The following PSD3 variants were observed in gnomAD, a reference collection of about 807,000 sequenced individuals.
The protein encoded by PSD3 is PH and SEC7 domain-containing protein 3.
A neutral mutation model predicts 105.5 loss-of-function variants in PSD3; 49 were observed. The observed-to-expected ratio is 0.46, with a 90% CI of 0.37 to 0.59. The LOEUF (loss-of-function observed/expected upper bound fraction) is 0.59, where lower values mean the gene tolerates loss of function less well. Ranked by LOEUF, PSD3 falls within the 20% of genes least tolerant of loss-of-function variation. PSD3 has a pLI of 0.00. For synonymous variants in PSD3, 557 were observed against 457.8 expected (o/e 1.22, Z -2.77); for missense variants, 1,561 against 1,263.8 (o/e 1.24, Z -3.57).
chr8:18,955,892 C>T (rs1823542406), intron 1 of PSD3, among the ~76,000 whole-genome samples: 1 of 152,118 alleles, frequency 6.6e-6, no homozygotes, highest in South Asian at 2.1e-4. Flanking sequence ...CCTCAGCATC[C>T]CAAGTTGCTA....
At chr8:18,757,785 T>C (rs1012905041) in intron 9 of PSD3, among the ~76,000 whole-genome samples, 1 of 152,228 alleles carries the variant, frequency 6.6e-6, no homozygotes, top group Non-Finnish European at 1.5e-5. Context: ...TTTCCAGTTT[T>C]CAATTCTTCA....
In PSD3 at chr8:18,744,626, G is replaced by C. The variant is rs376211927; in HGVS notation, c.2172+20823C>G. On this transcript the variant is annotated intron_variant, in intron 9 of 15. Coordinates refer to ENST00000327040, the MANE Select transcript of PSD3 (RefSeq NM_015310.4). ...TGAAATAATTTTAGACTTACAAAAAGGTTGTACAAATGGTACAGAGTTCCT... is the reference window on the plus strand; with the variant it reads ...TGAAATAATTTTAGACTTACAAAAACGTTGTACAAATGGTACAGAGTTCCT... Among the ~76,000 whole-genome samples the C allele has an allele frequency of 7.9e-5, 12 of 152,244 alleles. No individual in the cohort carries two copies. In the East Asian group the frequency reaches 2.1e-3, roughly 27 times the overall value.
At chr8:18,911,180 A>C (rs544884224) in intron 2 of PSD3, among the ~76,000 whole-genome samples, 1 of 152,234 alleles carries the variant, frequency 6.6e-6, no homozygotes, top group Non-Finnish European at 1.5e-5. Flanking sequence ...GCACAGTTTC[A>C]TAGCATTATC....
intron 11 of PSD3, among the ~76,000 whole-genome samples, chr8:18,605,123 T>A (rs1331927122): frequency 6.6e-6 from 1 of 152,136 alleles, no homozygotes. Context: ...GACCTCAGAA[T>A]GGTAGAGCCA....
At chr8:18,888,345 C>T (rs1263724491) in intron 2 of PSD3, among the ~76,000 whole-genome samples, 5 of 152,092 alleles carry the variant, frequency 3.3e-5, no homozygotes, top group African/African-American at 1.2e-4. Context: ...TATCTCTGAG[C>T]TAGAGATGTT....
At chr8:18,876,869 T>A (rs1200580236) in intron 2 of PSD3, among the ~76,000 whole-genome samples, 1 of 152,242 alleles carries the variant, frequency 6.6e-6, no homozygotes, top group Non-Finnish European at 1.5e-5. Flanking sequence ...CTGTTTATTG[T>A]TACAGACATC....
Position 18,872,577 on chromosome 8 carries a change from G to T in PSD3, c.287C>A (p.Pro96His). 6.2e-7 allele frequency: 1 copy of T among 1,614,110 alleles called. No individual in the cohort carries two copies. Among genetic ancestry groups the T allele is most frequent in the Non-Finnish European group, 8.5e-7 (1 of 1,180,008 alleles). Residue 96 changes from proline (P) to histidine (H), a missense_variant, in exon 3 of 16, where the codon CCT becomes CAT. By Grantham distance (77) the Pro-to-His change is moderately conservative (BLOSUM62 -2). Coordinates refer to ENST00000327040, the MANE Select transcript of PSD3 (RefSeq NM_015310.4). ...GAGCCCAGAGTGGCAGCCAGTAAGA[G>T]GCTGGACACCCTGCTGCTCTTGTGG... ...CHPQEQQGVQ[P>H]LTGCHSGLDS...
intron 10 of PSD3, among the ~76,000 whole-genome samples, chr8:18,633,296 A>C (rs1384749525): frequency 1.3e-5 from 2 of 152,098 alleles, no homozygotes; most frequent in African/African-American, 2.4e-5. Context: ...AATAGTAAAC[A>C]ATATCCCCCA....
intron 1 of PSD3, among the ~76,000 whole-genome samples, chr8:19,077,684 G>A (rs73668928): frequency 0.016 from 2,459 of 152,260 alleles, 78 homozygotes; most frequent in African/African-American, 0.052. Context: ...TAGCTTTTGG[G>A]AGATTTTTAA....
intron 10 of PSD3, among the ~76,000 whole-genome samples, chr8:18,654,333 T>C (rs896911622): frequency 6.6e-6 from 1 of 152,202 alleles, no homozygotes; most frequent in Non-Finnish European, 1.5e-5. Context: ...TAACAAGTTT[T>C]ATCTCCCAAG....
At chr8:18,912,509 TA>T (rs1820298893) in intron 2 of PSD3, among the ~76,000 whole-genome samples, 1 of 152,218 alleles carries the variant, frequency 6.6e-6, no homozygotes, top group East Asian at 1.9e-4. Flanking sequence ...AAGGAAAACC[TA>T]AAAATCTTTA....
intron 9 of PSD3, among the ~76,000 whole-genome samples, chr8:18,680,448 C>T (rs1188508542): frequency 6.6e-6 from 1 of 152,130 alleles, no homozygotes; most frequent in Non-Finnish European, 1.5e-5. Flanking sequence ...CTGCACTGCC[C>T]CCTCATGGCC....
At chr8:18,896,062 G>A (rs770142437) in intron 2 of PSD3, among the ~76,000 whole-genome samples, 4 of 152,124 alleles carry the variant, frequency 2.6e-5, no homozygotes, top group South Asian at 2.1e-4. Context: ...GAGAACATGC[G>A]GTATTTATCT....
intron 9 of PSD3, among the ~76,000 whole-genome samples, chr8:18,737,197 G>GAACTATAT (rs1311618824): frequency 2.8e-4 from 42 of 152,306 alleles, no homozygotes; most frequent in African/African-American, 1.0e-3. Flanking sequence ...AATTGTCCCA[G>GAACTATAT]GTAGTTCTAA....
At chr8:18,796,375 A>G (rs1210897248) in intron 8 of PSD3, among the ~76,000 whole-genome samples, 2 of 152,100 alleles carry the variant, frequency 1.3e-5, no homozygotes, top group Non-Finnish European at 2.9e-5. Context: ...TTCCATGAAC[A>G]TTGTCTCATT....
At chr8:18,719,928 C>CA (rs1254573836) in intron 9 of PSD3, among the ~76,000 whole-genome samples, 8 of 152,044 alleles carry the variant, frequency 5.3e-5, no homozygotes, top group Non-Finnish European at 1.2e-4. Context: ...TAAAGAATAC[C>CA]AACCAGGCCT....
chr8:18,906,723 G>C (rs942859472), intron 2 of PSD3, among the ~76,000 whole-genome samples: 1 of 152,076 alleles, frequency 6.6e-6, no homozygotes, highest in African/African-American at 2.4e-5. Flanking sequence ...CTCAGATTTA[G>C]AAATAAAAAC....
intron 2 of PSD3, among the ~76,000 whole-genome samples, chr8:18,903,728 G>T (rs1175926525): frequency 6.6e-6 from 1 of 152,168 alleles, no homozygotes. Flanking sequence ...GTTCTGGATG[G>T]CCCAGGCACA....
rs907403381 is a variant in PSD3, at chr8:18,535,457, A to C, written c.*286T>G. ...AACAACTGAGCAGACTGCAAACAAGAGAAAACCAAAAGAGAAGGGATACAT... is the reference window on the plus strand; with the variant it reads ...AACAACTGAGCAGACTGCAAACAAGCGAAAACCAAAAGAGAAGGGATACAT... On this transcript the variant is annotated 3_prime_UTR_variant, in exon 16 of 16. Transcript: ENST00000327040. 3 of 403,456 alleles carry C rather than the reference A, an allele frequency of 7.4e-6. No individual in the cohort carries two copies. The highest frequency in any genetic ancestry group is 4.0e-5 in the Admixed American group (1 of 24,868). The allele number at this position is 403,456 out of a possible 1,614,324, so 25.0% of individuals were successfully genotyped here. A position where few individuals can be genotyped will look rare whatever the true frequency, so the allele number is the denominator to read the frequency against.
Sources: gnomAD v4.1 joint callset for allele counts (sites outside exome capture counted in the v4.1 genomes callset) on GRCh38, gnomAD v4.1.1 for gene constraint, MANE v1.5 for transcripts, NCBI Gene and HGNC (gene_info 2026-07-23, HGNC 2026-07-21) for gene names.